The following RORA variants were observed in gnomAD, a reference collection of about 807,000 sequenced individuals.
The protein encoded by RORA is RAR related orphan receptor A.
Under a neutral mutation model 69.5 loss-of-function variants are expected in RORA, and 7 were observed. That is an observed-to-expected ratio of 0.10 (90% CI 0.06 to 0.19). RORA has a LOEUF of 0.19. RORA is among the 10% of genes least tolerant of loss of function. The pLI is 1.00. For synonymous variants in RORA, 261 were observed against 240.8 expected, an observed-to-expected ratio of 1.08 and a Z score of -0.78; for missense variants, 457 against 663.0, an observed-to-expected ratio of 0.69 and a Z score of 3.41.
In RORA at chr15:61,164,653, T is replaced by G. The variant is rs79968158; in HGVS notation, c.166+64400A>C. Among the ~76,000 whole-genome samples the G allele has an allele frequency of 2.9e-3, 445 of 152,294 alleles. 2 individuals carry two copies. Among genetic ancestry groups the G allele is most frequent in the African/African-American group, 0.01 (417 of 41,558 alleles). On this transcript the variant is annotated intron_variant, in intron 1 of 10. Coordinates refer to ENST00000335670, the MANE Select transcript of RORA (RefSeq NM_134261.3). Reference sequence around the variant, plus strand: ...CTGAGCAATGCTAGTTACATCTTTTTTTTTCTCAACCTCTGACACAGTTAT... The same window carrying G: ...CTGAGCAATGCTAGTTACATCTTTTGTTTTCTCAACCTCTGACACAGTTAT...
At chr15:60,632,285 T>G (rs1047556058) in intron 2 of RORA, among the ~76,000 whole-genome samples, 4 of 152,068 alleles carry the variant, frequency 2.6e-5, no homozygotes, top group African/African-American at 4.8e-5. Context: ...TTTTTCTATT[T>G]TTAGTAGAGA....
chr15:61,199,208 G>A (rs1376447335), intron 1 of RORA, among the ~76,000 whole-genome samples: 1 of 151,980 alleles, frequency 6.6e-6, no homozygotes, highest in Non-Finnish European at 1.5e-5. Flanking sequence ...AAAGCATACT[G>A]ATTATTCCTT....
At chr15:60,943,916 CAAAAAAAAAAA>C (rs545168599) in intron 1 of RORA, among the ~76,000 whole-genome samples, 2 of 32,330 alleles carry the variant, frequency 6.2e-5, no homozygotes, top group East Asian at 7.4e-4. Flanking sequence ...ACTCCATCTC[CAAAAAAAAAAA>C]AAAAAAAAAA....
At chr15:61,093,577 C>A (rs1595978351) in intron 1 of RORA, among the ~76,000 whole-genome samples, 2 of 152,196 alleles carry the variant, frequency 1.3e-5, no homozygotes, top group Non-Finnish European at 2.9e-5. Context: ...GTAATCTATA[C>A]CCCGATATGG....
intron 1 of RORA, among the ~76,000 whole-genome samples, chr15:60,947,905 T>C (rs1892947222): frequency 6.6e-6 from 1 of 152,024 alleles, no homozygotes; most frequent in South Asian, 2.1e-4. Flanking sequence ...GGGGCAGCTA[T>C]TTGTGGGCAT....
intron 1 of RORA, among the ~76,000 whole-genome samples, chr15:61,110,381 G>GAGA (rs547155236): frequency 8.9e-4 from 132 of 147,512 alleles, no homozygotes; most frequent in African/African-American, 3.2e-3. Flanking sequence ...GCAACAGAGC[G>GAGA]AGACTCAGTC....
chr15:61,193,527 C>T (rs930202180), intron 1 of RORA, among the ~76,000 whole-genome samples: 1 of 152,116 alleles, frequency 6.6e-6, no homozygotes. Flanking sequence ...TGGATCCAGC[C>T]CTTCCTGAAG....
At chr15:61,119,406 T>TAC (rs746701731) in intron 1 of RORA, among the ~76,000 whole-genome samples, 5 of 99,666 alleles carry the variant, frequency 5.0e-5, no homozygotes, top group African/African-American at 1.3e-4. Context: ...TATATATATA[T>TAC]ACACACACTA....
chr15:61,099,866 T>C (rs1384445386), intron 1 of RORA, among the ~76,000 whole-genome samples: 1 of 152,232 alleles, frequency 6.6e-6, no homozygotes, highest in Non-Finnish European at 1.5e-5. Flanking sequence ...AATTCGTTTG[T>C]AGGACACTCC....
chr15:60,792,270 T>C (rs1030098779), intron 1 of RORA, among the ~76,000 whole-genome samples: 1 of 151,866 alleles, frequency 6.6e-6, no homozygotes, highest in Non-Finnish European at 1.5e-5. Context: ...AAAGAGAAAA[T>C]AATGAAGAAG....
In RORA at chr15:61,061,396, A is replaced by ATAC. The variant is rs1555406931; in HGVS notation, c.166+167656_166+167657insGTA. On this transcript the variant is annotated intron_variant, in intron 1 of 10. Coordinates refer to ENST00000335670, the MANE Select transcript of RORA (RefSeq NM_134261.3). This position sits in a 1 kb window ranked among gnomAD's most constrained non-coding sequence, Gnocchi z 4.4. ...AAATAAATAAATAAATAAATAAATA[A>ATAC]ATACAAGGGCATCGCAGGAAGTCCT... Among the ~76,000 whole-genome samples, 211 of 150,048 alleles carry ATAC rather than the reference A, an allele frequency of 1.4e-3. No individual in the cohort carries two copies. Among genetic ancestry groups the ATAC allele is most frequent in the Middle Eastern group, 0.01 (3 of 290 alleles).
At chr15:60,777,105 C>T (rs182531653) in intron 1 of RORA, among the ~76,000 whole-genome samples, 1 of 152,204 alleles carries the variant, frequency 6.6e-6, no homozygotes, top group East Asian at 1.9e-4. Context: ...ACAAGCTGTC[C>T]CATACTCTAA....
At chr15:60,843,162 G>T (rs1022182292) in intron 1 of RORA, among the ~76,000 whole-genome samples, 2 of 152,130 alleles carry the variant, frequency 1.3e-5, no homozygotes, top group Admixed American at 1.3e-4. Context: ...GAACAACCTC[G>T]CTGGGCCACT....
In RORA at chr15:60,936,024, T is replaced by C. The variant is rs756537302; in HGVS notation, c.167-257338A>G. Among the ~76,000 whole-genome samples the C allele has an allele frequency of 1.2e-4, 19 of 152,204 alleles. 1 individual carries two copies. The highest frequency in any genetic ancestry group is 2.4e-4 in the Non-Finnish European group (16 of 68,036). ...CCAGTTGAAGTCAAGGGTTTCCCCATGTGGCCGGCCCTACAGTTACTCAGC... is the reference window on the plus strand; with the variant it reads ...CCAGTTGAAGTCAAGGGTTTCCCCACGTGGCCGGCCCTACAGTTACTCAGC... On this transcript the variant is annotated intron_variant, in intron 1 of 10. Transcript: ENST00000335670.
intron 5 of RORA, among the ~76,000 whole-genome samples, chr15:60,509,078 C>G (rs185316156): frequency 2.0e-5 from 3 of 152,184 alleles, no homozygotes; most frequent in South Asian, 4.1e-4. Context: ...AAAGTTTAGC[C>G]TAAAATGAAG....
In RORA at chr15:60,565,128, T is replaced by C. The variant is rs528968157; in HGVS notation, c.197-33277A>G. 3.1e-4 allele frequency among the ~76,000 whole-genome samples: 47 copies of C among 152,246 alleles called. 1 individual carries two copies. In the South Asian group the frequency reaches 6.2e-3, roughly 20 times the overall value. The stretch of plus-strand genomic sequence containing the variant: ...CATGTGGGCTGATTTTAAGGGACAA[T>C]AGAGGTTTAACAGAGGACAACACAA... On this transcript the variant is annotated intron_variant, in intron 2 of 10. Transcript: ENST00000335670.
At chr15:60,790,643 C>A (rs149425436) in intron 1 of RORA, among the ~76,000 whole-genome samples, 11 of 152,314 alleles carry the variant, frequency 7.2e-5, no homozygotes, top group Non-Finnish European at 1.6e-4. Flanking sequence ...CAGATGTTTT[C>A]AACTGAGTCC....
intron 1 of RORA, among the ~76,000 whole-genome samples, chr15:61,004,335 C>T (rs1894843590): frequency 1.3e-5 from 2 of 150,714 alleles, no homozygotes; most frequent in African/African-American, 2.4e-5. Flanking sequence ...CAAGAGGAAG[C>T]ATCCTATTAT....
intron 1 of RORA, among the ~76,000 whole-genome samples, chr15:61,090,944 TCTCA>T (rs2140708332): frequency 6.6e-6 from 1 of 152,166 alleles, no homozygotes; most frequent in Admixed American, 6.5e-5. Flanking sequence ...AACCTCATGA[TCTCA>T]CTCTGTCCCT....
Sources: allele counts gnomAD v4.1 joint callset (sites outside exome capture counted in the v4.1 genomes callset), GRCh38; gene constraint gnomAD v4.1.1; non-coding constraint Gnocchi (gnomAD v3.1); transcripts MANE v1.5; gene names NCBI Gene and HGNC (gene_info 2026-07-23, HGNC 2026-07-21).